The following MAP3K20 variants were observed in gnomAD, a reference collection of about 807,000 sequenced individuals.
MAP3K20 encodes the protein mitogen-activated protein kinase kinase kinase 20, also known as HCCS-4.
A neutral mutation model predicts 85.7 loss-of-function variants in MAP3K20; 40 were observed. That is an observed-to-expected ratio of 0.47 (90% CI 0.36 to 0.61). The LOEUF (loss-of-function observed/expected upper bound fraction) is 0.61. MAP3K20 is among the 20% of genes least tolerant of loss of function. The probability of loss-of-function intolerance (pLI) is 0.00; values close to 1 mark genes in which losing one functional copy is unlikely to be tolerated. For missense variants in MAP3K20, 817 were observed against 961.7 expected (o/e 0.85, Z 1.99); for synonymous variants, 325 against 327.7 (o/e 0.99, Z 0.09).
At chr2:173,249,485 T>C (rs140801983) in intron 16 of MAP3K20, among the ~76,000 whole-genome samples, 1 of 152,342 alleles carries the variant, frequency 6.6e-6, no homozygotes, top group Non-Finnish European at 1.5e-5. Flanking sequence ...ACTAGGTTAG[T>C]GTTTCTTTGA....
intron 1 of MAP3K20, among the ~76,000 whole-genome samples, chr2:173,084,249 G>T (rs954919341): frequency 6.6e-6 from 1 of 151,986 alleles, no homozygotes; most frequent in Admixed American, 6.6e-5. Flanking sequence ...TCACTTGCAG[G>T]TATTGGATAA....
At chr2:173,100,826 T>C (rs1294385491) in intron 2 of MAP3K20, among the ~76,000 whole-genome samples, 3 of 152,084 alleles carry the variant, frequency 2.0e-5, no homozygotes, top group African/African-American at 7.2e-5. Context: ...AATTGGAGAG[T>C]AAGCAATTTA....
chr2:173,168,313 G>A (rs558979363), intron 2 of MAP3K20, among the ~76,000 whole-genome samples: 24 of 152,118 alleles, frequency 1.6e-4, no homozygotes, highest in Admixed American at 4.6e-4. Context: ...ATTAAGCAGC[G>A]ATAGCCCCCT....
intron 2 of MAP3K20, among the ~76,000 whole-genome samples, chr2:173,168,389 A>G (rs895253328): frequency 2.6e-5 from 4 of 152,314 alleles, no homozygotes; most frequent in South Asian, 2.1e-4. Context: ...CATGCAATCA[A>G]TGATATTCTT....
chr2:173,136,327 A>G (rs542033867), intron 2 of MAP3K20, among the ~76,000 whole-genome samples: 1 of 152,294 alleles, frequency 6.6e-6, no homozygotes, highest in South Asian at 2.1e-4. Context: ...CACTGTCATA[A>G]CAGAAAATGC....
At position 173,266,587 on chromosome 2, in the gene MAP3K20, C is replaced by G; in HGVS notation, c.2240C>G (p.Pro747Arg). The G allele has an allele frequency of 6.2e-7, 1 of 1,613,826 alleles. No individual in the cohort carries two copies. The highest frequency in any genetic ancestry group is 8.5e-7 in the Non-Finnish European group (1 of 1,179,970). Reference protein sequence around the residue: ...LHQPNTIPGMPLHPETDSRAS... With the variant: ...LHQPNTIPGMRLHPETDSRAS... ...CAACCCAACACCATACCAGGGATGC[C>G]TTTGCACCCTGAGACTGACTCAAGA... The change falls in exon 20 of 20, where the codon CCT becomes CGT. Residue 747 changes from proline to arginine, a missense_variant. Physicochemically the swap from Pro to Arg is moderately radical, Grantham distance 103 (BLOSUM62 -2). Around this residue, in one of 4 missense-constraint regions of MAP3K20, gnomAD observed 454 missense variants for 476.9 expected, o/e 0.95. Coordinates refer to ENST00000375213, the MANE Select transcript of MAP3K20 (RefSeq NM_016653.3).
At chr2:173,160,898 A>G (rs1689638599) in intron 2 of MAP3K20, among the ~76,000 whole-genome samples, 1 of 152,216 alleles carries the variant, frequency 6.6e-6, no homozygotes, top group African/African-American at 2.4e-5. Context: ...TCCATCTGTC[A>G]GCACACAGCA....
intron 2 of MAP3K20, chr2:173,166,492 C>G (rs558462486): frequency 1.2e-4 from 18 of 152,244 alleles, no homozygotes; most frequent in African/African-American, 3.4e-4. Context: ...CCAGATTTCA[C>G]ATGTTGACTG....
intron 11 of MAP3K20, chr2:173,224,613 A>G: frequency 1.0e-6 from 1 of 985,400 alleles, no homozygotes; most frequent in Non-Finnish European, 1.2e-6. Context: ...ATACAGCAGA[A>G]TTGGCCTCAG....
intron 2 of MAP3K20, among the ~76,000 whole-genome samples, chr2:173,120,701 C>CTTTTTTTTTTTTTTT (rs56084110): frequency 2.0e-5 from 1 of 49,214 alleles, no homozygotes; most frequent in Non-Finnish European, 3.2e-5. Flanking sequence ...ACTCTCACTT[C>CTTTTTTTTTTTTTTT]TTTTTTTTTT....
chr2:173,224,164 C>G, intron 11 of MAP3K20: 3 of 864,190 alleles, frequency 3.5e-6, no homozygotes, highest in Non-Finnish European at 4.2e-6. Flanking sequence ...GAGGACAAGG[C>G]CCATGGGTGG....
rs181577987 is a variant in MAP3K20, at chr2:173,176,969, T to A, written c.248-5885T>A. 7.7e-3 allele frequency among the ~76,000 whole-genome samples: 1,168 copies of A among 152,114 alleles called. 5 individuals carry two copies. Among genetic ancestry groups the A allele is most frequent in the South Asian group, 0.021 (101 of 4,818 alleles). On this transcript the variant is annotated intron_variant, in intron 3 of 19. Transcript: ENST00000375213. ...TGAGATAAATAGAACCATTTCAAAA[T>A]GATAAAAGGATCAAGACATCAGAAA...
intron 8 of MAP3K20, among the ~76,000 whole-genome samples, chr2:173,201,999 A>T (rs1034459465): frequency 6.6e-6 from 1 of 152,214 alleles, no homozygotes; most frequent in African/African-American, 2.4e-5. Context: ...AAATGTTGAG[A>T]CACAGTTGTA....
At chr2:173,145,256 GAAAA>G (rs530580690) in intron 2 of MAP3K20, among the ~76,000 whole-genome samples, 1 of 150,212 alleles carries the variant, frequency 6.7e-6, no homozygotes, top group Non-Finnish European at 1.5e-5. Flanking sequence ...CAAAAAAAAA[GAAAA>G]AAAAATTGGT....
At chr2:173,216,996 C>G in intron 10 of MAP3K20, 119 bp from the exon 11 acceptor site, 1 of 1,014,476 alleles carries the variant, frequency 9.9e-7, no homozygotes, top group Non-Finnish European at 1.3e-6. Flanking sequence ...CGGCAGTTAC[C>G]TGGTTGATTT....
chr2:173,187,334 A>G (rs925636649), intron 4 of MAP3K20, among the ~76,000 whole-genome samples: 23 of 152,196 alleles, frequency 1.5e-4, no homozygotes, highest in African/African-American at 5.5e-4. Context: ...AGCTAGATTT[A>G]CCCACAGTCA....
At chr2:173,114,266 A>G (rs1488500603) in intron 2 of MAP3K20, among the ~76,000 whole-genome samples, 2 of 152,016 alleles carry the variant, frequency 1.3e-5, no homozygotes, top group Non-Finnish European at 1.5e-5. Flanking sequence ...CCTTTACTTT[A>G]TGTGAGTACT....
intron 3 of MAP3K20, among the ~76,000 whole-genome samples, chr2:173,179,989 T>C (rs1690279068): frequency 6.6e-6 from 1 of 152,262 alleles, no homozygotes; most frequent in East Asian, 1.9e-4. Flanking sequence ...AAATAGACAT[T>C]TACATATTTA....
At chr2:173,223,034 T>C in intron 11 of MAP3K20, 4 of 985,466 alleles carry the variant, frequency 4.1e-6, no homozygotes, top group Non-Finnish European at 4.8e-6. Flanking sequence ...AGATATGATC[T>C]AACAGTATTT....
Sources: allele counts gnomAD v4.1 joint callset (sites outside exome capture counted in the v4.1 genomes callset), GRCh38; gene constraint gnomAD v4.1.1; regional missense constraint gnomAD v4.1.1; transcripts MANE v1.5; gene names NCBI Gene and HGNC (gene_info 2026-07-23, HGNC 2026-07-21).